The following WDR90 variants were observed in gnomAD, a reference collection of about 807,000 sequenced individuals.
The protein encoded by WDR90 is WD repeat domain 90.
WDR90 carries 238 observed loss-of-function variants against 195.2 expected under a neutral mutation model. That is an observed-to-expected ratio of 1.22 (90% CI 1.10 to 1.36). The LOEUF (loss-of-function observed/expected upper bound fraction) is 1.36. Ranked by LOEUF, WDR90 falls within the 40% of genes most tolerant of loss-of-function variation. The pLI is 0.00. For synonymous variants in WDR90, 1,265 were observed against 1,052.4 expected (o/e 1.20, Z -3.91); for missense variants, 2,734 against 2,439.5 (o/e 1.12, Z -2.54).
chr16:665,981 G>A lies in WDR90; in HGVS notation c.4466G>A (p.Cys1489Tyr), dbSNP rs2038017712. ...SCLCLAWSPP[C>Y]CGRPEQQRLA... ...CTCTGCCTGGCATGGAGCCCCCCGT[G>A]CTGTGGCCGCCCTGAGCAGCAGCGG... The change falls in exon 36 of 41, where the codon TGC becomes TAC. Residue 1489 changes from cysteine to tyrosine, a missense_variant. Transcript: ENST00000293879. 4.4e-6 allele frequency: 7 copies of A among 1,601,704 alleles called. No individual in the cohort carries two copies. Among genetic ancestry groups the A allele is most frequent in the Non-Finnish European group, 5.9e-6 (7 of 1,178,420 alleles).
intron 10 of WDR90, 105 bp from the exon 11 acceptor site, chr16:653,236 C>A: frequency 1.0e-6 from 1 of 958,496 alleles, no homozygotes; most frequent in Non-Finnish European, 1.5e-6. Flanking sequence ...GCCAGGCCTG[C>A]CACCCCCTCT....
In WDR90 at chr16:655,459, C is replaced by T; in HGVS notation, c.1709C>T (p.Ala570Val). 2.0e-6 allele frequency: 3 copies of T among 1,536,222 alleles called. No homozygotes were observed. Among genetic ancestry groups the T allele is most frequent in the Non-Finnish European group, 1.7e-6 (2 of 1,142,884 alleles). ...QARDGCPEPS[A>V]AMLFVCSRSG... ...CGGGACGGCTGCCCGGAGCCCTCGG[C>T]TGCCATGCTGTGAGTCCCTGCCCTT... The change falls in exon 15 of 41, where the codon GCT (alanine) becomes GTT (valine). Residue 570 changes from alanine to valine, a missense_variant. Coordinates refer to ENST00000293879, the MANE Select transcript of WDR90 (RefSeq NM_145294.5).
chr16:657,722 C>T, intron 20 of WDR90, 40 bp from the exon 21 acceptor site: 3 of 1,503,228 alleles, frequency 2.0e-6, no homozygotes, highest in Non-Finnish European at 1.8e-6. Context: ...CGCACCCCGG[C>T]ACTCCCCACC....
chr16:652,150 G>A (rs2037660783), intron 9 of WDR90, 111 bp downstream of exon 9: 1 of 1,287,722 alleles, frequency 7.8e-7, no homozygotes, highest in South Asian at 1.4e-5. Flanking sequence ...GTCTCCTCTT[G>A]TTCAGCCTCC....
chr16:656,257 A>C, intron 17 of WDR90, 45 bp from the exon 18 acceptor site: 10 of 1,555,330 alleles, frequency 6.4e-6, no homozygotes, highest in Non-Finnish European at 7.9e-6. Context: ...CATGCGGCTC[A>C]CCCCGGGGTG....
intron 5 of WDR90, 139 bp downstream of exon 5, chr16:650,848 G>A: frequency 6.8e-7 from 1 of 1,474,294 alleles, no homozygotes; most frequent in South Asian, 1.3e-5. Flanking sequence ...CCATCCCAGA[G>A]GCAGCCCTGG....
chr16:652,244 C>T (rs1031948790), intron 9 of WDR90: 13 of 802,520 alleles, frequency 1.6e-5, no homozygotes, highest in Non-Finnish European at 2.3e-5. Context: ...TGCTCACCCC[C>T]AATGCGTCAG....
At chr16:667,331 G>T in intron 40 of WDR90, 101 bp from the exon 41 acceptor site, 3 of 1,467,182 alleles carry the variant, frequency 2.0e-6, no homozygotes, top group Non-Finnish European at 2.7e-6. Flanking sequence ...CAGCTCCCCC[G>T]ACCAGCATCA....
In WDR90 at chr16:658,640, GCCCAGGCC is replaced by G. The variant is rs762096909; in HGVS notation, c.2889_2895+1del. 6.2e-7 allele frequency: 1 copy of G among 1,611,168 alleles called. No individual in the cohort carries two copies. The highest frequency in any genetic ancestry group is 8.5e-7 in the Non-Finnish European group (1 of 1,178,830). On this transcript the variant is annotated frameshift_variant, in exon 23 of 41. Transcript: ENST00000293879. LOFTEE classifies it high-confidence loss of function. Reference sequence around the variant, plus strand: ...GTGTGGGACTACGCCACACAGGCCAGCCCAGGCCCCCAGGTGTGTGCGTGGGGAGGCAG... The same window carrying G: ...GTGTGGGACTACGCCACACAGGCCAGCCCAGGTGTGTGCGTGGGGAGGCAG...
At position 662,806 on chromosome 16, in the gene WDR90, G is replaced by A; in HGVS notation, c.4273G>A (p.Gly1425Ser). The A allele has an allele frequency of 6.3e-7, 1 of 1,596,188 alleles. No homozygotes were observed. The highest frequency in any genetic ancestry group is 8.5e-7 in the Non-Finnish European group (1 of 1,172,674). ...GTLWFVSWAEGTSTRLISGHR... is the reference protein window; with the variant it reads ...GTLWFVSWAESTSTRLISGHR... ...GCTGTGGTTTGTCAGCTGGGCCGAGGGCACCAGCACACGTCTCATCAGTGG... is the reference window on the plus strand; with the variant it reads ...GCTGTGGTTTGTCAGCTGGGCCGAGAGCACCAGCACACGTCTCATCAGTGG... The change falls in exon 34 of 41, where the codon GGC (glycine) becomes AGC (serine). Residue 1425 changes from glycine (G) to serine (S), a missense_variant. Physicochemically the swap from Gly to Ser is moderately conservative, Grantham distance 56. Transcript: ENST00000293879.
At chr16:663,820 G>A (rs1343664261) in intron 34 of WDR90, among the ~76,000 whole-genome samples, 3 of 152,192 alleles carry the variant, frequency 2.0e-5, no homozygotes, top group Non-Finnish European at 2.9e-5. Flanking sequence ...GAATTGGGGC[G>A]GCAGGACAGG....
rs1567225033 is a variant in WDR90, at chr16:666,456, G to T, written c.4742G>T (p.Cys1581Phe). 1 of 1,610,600 alleles carries T rather than the reference G, an allele frequency of 6.2e-7. No homozygotes were observed. The highest frequency in any genetic ancestry group is 1.1e-5 in the South Asian group (1 of 91,022). Reference sequence around the variant, plus strand: ...GGCCCTCACCCACTCCATTCCCAGTGTGAAGACTTAGGGGTGGAGGGCACA... The same window carrying T: ...GGCCCTCACCCACTCCATTCCCAGTTTGAAGACTTAGGGGTGGAGGGCACA... ...ISTICVTCKE[C>F]EDLGVEGTDL... Residue 1581 changes from cysteine (C) to phenylalanine (F), a missense_variant and splice_region_variant, in exon 38 of 41, where the codon TGT (cysteine) becomes TTT (phenylalanine). Transcript: ENST00000293879.
At chr16:652,304 G>A in intron 9 of WDR90, 163 bp from the exon 10 acceptor site, 2 of 899,234 alleles carry the variant, frequency 2.2e-6, no homozygotes, top group South Asian at 1.8e-5. Flanking sequence ...TGCAACTGGA[G>A]TCCCAGCTTC....
chr16:665,562 C>A, intron 34 of WDR90, 117 bp from the exon 35 acceptor site: 1 of 1,545,598 alleles, frequency 6.5e-7, no homozygotes, highest in Non-Finnish European at 8.8e-7. Flanking sequence ...TGGCCGGGGC[C>A]AGAGGCACAT....
chr16:656,105 G>C (rs2037748143), intron 17 of WDR90, 197 bp from the exon 18 acceptor site: 1 of 752,668 alleles, frequency 1.3e-6, no homozygotes, highest in African/African-American at 1.8e-5. Flanking sequence ...GACGTGGGTA[G>C]TGTGTGAAGC....
chr16:657,866 G>A lies in WDR90; in HGVS notation c.2578G>A (p.Val860Ile). 1.3e-6 allele frequency: 2 copies of A among 1,588,074 alleles called. No homozygotes were observed. The highest frequency in any genetic ancestry group is 4.6e-5 in the East Asian group (2 of 43,814). The change falls in exon 21 of 41, where the codon GTC becomes ATC. Residue 860 changes from valine (V) to isoleucine (I), a missense_variant. Val to Ile is a conservative substitution (Grantham distance 29). Transcript: ENST00000293879. ...GGGACCCTCCAGGTGCACAGTGACAGTCATGGGCTCGGCCTCCCTTGATGA... is the reference window on the plus strand; with the variant it reads ...GGGACCCTCCAGGTGCACAGTGACAATCATGGGCTCGGCCTCCCTTGATGA... Reference protein sequence around the residue: ...FVGPSRCTVTVMGSASLDELL... With the variant: ...FVGPSRCTVTIMGSASLDELL...
Position 649,981 on chromosome 16 carries a change from GCTTCTCCAGGACAAGA to G in WDR90, c.103-8_110del, listed in dbSNP as rs1337260351. On this transcript the variant is annotated splice_acceptor_variant and splice_polypyrimidine_tract_variant and coding_sequence_variant and intron_variant, in exon 3 of 41. Transcript: ENST00000293879. LOFTEE classifies it high-confidence loss of function. The stretch of plus-strand genomic sequence containing the variant: ...GGTGCTGTCGGTGATGCGGGCTCCC[GCTTCTCCAGGACAAGA>G]CCCTGAAGGGCGCCGTGTATCGCAT... The G allele has an allele frequency of 6.2e-7, 1 of 1,611,276 alleles. No homozygotes were observed. Among genetic ancestry groups the G allele is most frequent in the African/African-American group, 1.3e-5 (1 of 74,876 alleles).
rs1285990391 is a variant in WDR90 at position 656,518 on chromosome 16, A to T, written c.2183A>T (p.Asp728Val). The T allele has an allele frequency of 1.3e-6, 2 of 1,570,730 alleles. No homozygotes were observed. The highest frequency in any genetic ancestry group is 1.7e-6 in the Non-Finnish European group (2 of 1,159,874). Residue 728 changes from aspartate to valine, a missense_variant, in exon 18 of 41, where the codon GAC (aspartate) becomes GTC (valine). Physicochemically the swap from Asp to Val is radical, Grantham distance 152. Transcript: ENST00000293879. Reference protein sequence around the residue: ...VSQDRTVRIWDLATLQQLYDF... With the variant: ...VSQDRTVRIWVLATLQQLYDF... ...CAGGACCGTACCGTCCGCATCTGGG[A>T]CCTGGCCACCCTGCAGCAGGTGGGG... is the stretch of plus-strand genomic sequence containing the variant.
chr16:656,256 C>G (rs767532482), intron 17 of WDR90, 46 bp from the exon 18 acceptor site: 2 of 1,552,194 alleles, frequency 1.3e-6, no homozygotes, highest in African/African-American at 2.7e-5. Flanking sequence ...GCATGCGGCT[C>G]ACCCCGGGGT....
Sources: gnomAD v4.1 joint callset for allele counts (sites outside exome capture counted in the v4.1 genomes callset) on GRCh38, gnomAD v4.1.1 for gene constraint, MANE v1.5 for transcripts, NCBI Gene and HGNC (gene_info 2026-07-23, HGNC 2026-07-21) for gene names.